Variants in CHRNB1 observed in about 807,000 individuals in gnomAD.
CHRNB1 encodes acetylcholine receptor subunit beta.
CHRNB1 carries 47 observed loss-of-function variants against 53.8 expected under a neutral mutation model. The observed-to-expected ratio is 0.87, with a 90% confidence interval of 0.69 to 1.11. The LOEUF is 1.11. Ranked by LOEUF, CHRNB1 falls within the 50% of genes most tolerant of loss-of-function variation. The pLI, the probability that CHRNB1 is intolerant of heterozygous loss-of-function variation, is 0.00. For missense variants in CHRNB1, 605 were observed against 654.9 expected (o/e 0.92, Z 0.83); for synonymous variants, 259 against 263.5 (o/e 0.98, Z 0.16).
rs1207482508 is a variant in CHRNB1 at position 7,445,299 on chromosome 17, C to T, written c.88C>T (p.Leu30Phe). The change falls in exon 2 of 11, where the codon CTC becomes TTC. Residue 30 changes from leucine (L) to phenylalanine (F), a missense_variant. Transcript: ENST00000306071. This position sits in a 1 kb window ranked among gnomAD's most constrained non-coding sequence, Gnocchi z 5.7. ...CCGCGGCTCGGAGGCGGAGGGTCGA[C>T]TCCGGGAGAAACTTTTCTCTGGCTA... ...GVRGSEAEGR[L>F]REKLFSGYDS... 5.6e-6 allele frequency: 9 copies of T among 1,612,836 alleles called. No homozygotes were observed. Among genetic ancestry groups the T allele is most frequent in the Non-Finnish European group, 7.6e-6 (9 of 1,179,784 alleles).
rs199763821 is a variant in CHRNB1 at position 7,455,862 on chromosome 17, T to A, written c.1286T>A (p.Leu429Gln). Residue 429 changes from leucine to glutamine, a missense_variant, in exon 10 of 11, where the codon CTG becomes CAG. By Grantham distance (113) the Leu-to-Gln change is moderately radical. Coordinates refer to ENST00000306071, the MANE Select transcript of CHRNB1 (RefSeq NM_000747.3). ...FIDGPNRAVA[L>Q]LPELREVVSS... ...GATGGTCCAAACCGGGCTGTGGCCC[T>A]GCTTCCGGAGCTACGGGAGGTCGTC... 6.8e-6 allele frequency: 11 copies of A among 1,614,074 alleles called. No individual in the cohort carries two copies. In the East Asian group the frequency reaches 2.5e-4, roughly 36 times the overall value.
At chr17:7,455,532 G>A (rs371323684) in intron 9 of CHRNB1, 76 bp downstream of exon 9, 1 of 1,568,052 alleles carries the variant, frequency 6.4e-7, no homozygotes, top group South Asian at 1.1e-5. Context: ...GGAAGAAGCG[G>A]CCCATGCTCT....
At chr17:7,449,700 G>A (rs987890829) in intron 7 of CHRNB1, among the ~76,000 whole-genome samples, 13 of 151,836 alleles carry the variant, frequency 8.6e-5, no homozygotes, top group Non-Finnish European at 1.3e-4. Flanking sequence ...ATGAGCCACC[G>A]CGCTCGGCCC....
chr17:7,456,484 G>A lies in CHRNB1; in HGVS notation c.1366-99G>A, dbSNP rs1278844026. On this transcript the variant is annotated intron_variant, in intron 10 of 10. Transcript: ENST00000306071. Reference sequence around the variant, plus strand: ...CGCTGCCGGCTGTTGCCTCAAACCAGTGGTAGGAGGACTCAAGCGGGTAGC... The same window carrying A: ...CGCTGCCGGCTGTTGCCTCAAACCAATGGTAGGAGGACTCAAGCGGGTAGC... The A allele has an allele frequency of 4.6e-6, 7 of 1,505,802 alleles. No homozygotes were observed. In the Admixed American group the frequency reaches 6.7e-5, roughly 14 times the overall value. The allele number at this position is 1,505,802 out of a possible 1,614,324, so 93.3% of individuals were successfully genotyped here. A position where few individuals can be genotyped will look rare whatever the true frequency, so the allele number is the denominator to read the frequency against.
chr17:7,451,251 GTTCTT>G lies in CHRNB1; in HGVS notation c.820+2486_820+2490del, dbSNP rs1555552159. On this transcript the variant is annotated intron_variant, in intron 7 of 10. Transcript: ENST00000306071. Reference sequence around the variant, plus strand: ...GGCATGTGTTGGGTGGATGTTTCAGGTTCTTTTCTTTTCTTTTCTTTTCTTTTTTT... The same window carrying G: ...GGCATGTGTTGGGTGGATGTTTCAGGTTCTTTTCTTTTCTTTTCTTTTTTT... Among the ~76,000 whole-genome samples, 554 of 141,630 alleles carry G rather than the reference GTTCTT, an allele frequency of 3.9e-3. 2 individuals carry two copies. The highest frequency in any genetic ancestry group is 8.7e-3 in the East Asian group (42 of 4,828). The allele number at this position is 141,630 out of a possible 152,430, so 92.9% of individuals were successfully genotyped here. A position where few individuals can be genotyped will look rare whatever the true frequency, so the allele number is the denominator to read the frequency against.
chr17:7,447,915 A>C (rs1326561294), intron 6 of CHRNB1, among the ~76,000 whole-genome samples: 1 of 151,750 alleles, frequency 6.6e-6, no homozygotes, highest in Non-Finnish European at 1.5e-5. Flanking sequence ...CTCTACTAAA[A>C]ATGCAAAAAA....
chr17:7,456,838 A>C lies in CHRNB1; in HGVS notation c.*115A>C. 2 of 1,435,254 alleles carry C rather than the reference A, an allele frequency of 1.4e-6. No homozygotes were observed. The highest frequency in any genetic ancestry group is 1.9e-6 in the Non-Finnish European group (2 of 1,041,310). 88.9% of individuals were successfully genotyped at this position (1,435,254 alleles called of 1,614,324 possible). On this transcript the variant is annotated 3_prime_UTR_variant, in exon 11 of 11. Coordinates refer to ENST00000306071, the MANE Select transcript of CHRNB1 (RefSeq NM_000747.3). ...CCTTCACGAGGAATCTGGGCCTCTT[A>C]TTTCGTTTCTGGGGACTGCATTGGA...
intron 3 of CHRNB1, chr17:7,446,361 GTGTGTGTGTGTGA>G (rs1908628660): frequency 1.8e-6 from 1 of 568,468 alleles, no homozygotes; most frequent in African/African-American, 2.1e-5. Context: ...GTGTGTGTGT[GTGTGTGTGTGTGA>G]TGCGGTCTCA....
intron 7 of CHRNB1, 122 bp downstream of exon 7, chr17:7,448,910 G>A (rs914516132): frequency 1.7e-5 from 18 of 1,047,692 alleles, no homozygotes; most frequent in South Asian, 8.0e-5. Flanking sequence ...CAGCAATCCC[G>A]CCCAGGCTCT....
intron 3 of CHRNB1, 94 bp from the exon 4 acceptor site, chr17:7,446,739 C>G: frequency 1.0e-6 from 1 of 966,696 alleles, no homozygotes; most frequent in Non-Finnish European, 1.6e-6. Flanking sequence ...GTCCTGCTCC[C>G]CTTCCTTGCA....
At chr17:7,453,950 A>G (rs111249390) in intron 7 of CHRNB1, among the ~76,000 whole-genome samples, 5 of 152,008 alleles carry the variant, frequency 3.3e-5, no homozygotes, top group Non-Finnish European at 7.4e-5. Context: ...AGTCCCAGCT[A>G]CTCAGGAGGC....
Position 7,446,303 on chromosome 17 carries a change from T to TTGTGTGTGTG in CHRNB1, c.243+204_243+213dup, listed in dbSNP as rs370471983. The TTGTGTGTGTG allele has an allele frequency of 4.0e-4, 192 of 477,966 alleles. 6 individuals carry two copies. Among genetic ancestry groups the TTGTGTGTGTG allele is most frequent in the African/African-American group, 1.6e-3 (69 of 43,796 alleles). The allele number at this position is 477,966 out of a possible 1,614,324, so 29.6% of individuals were successfully genotyped here. ...ACCCCATGCATTTTTAATTCCAATT[T>TTGTGTGTGTG]TGTGTGTGTGTGTGTGTGTGTGTCT... On this transcript the variant is annotated intron_variant, in intron 3 of 10. Coordinates refer to ENST00000306071, the MANE Select transcript of CHRNB1 (RefSeq NM_000747.3).
chr17:7,448,863 G>A (rs1178956065), intron 7 of CHRNB1, 75 bp downstream of exon 7: 3 of 1,483,264 alleles, frequency 2.0e-6, no homozygotes, highest in African/African-American at 1.4e-5. Context: ...TCCAGGCAGG[G>A]TTTTCCTGCC....
At position 7,446,110 on chromosome 17, in the gene CHRNB1, C is replaced by G. The variant is rs373533921; in HGVS notation, c.240C>G (p.Asp80Glu). ...AGATGAGCACAAAGGTGTACTTAGACCTGGTATGGAGACCCCACGGGGTGG... is the reference window on the plus strand; with the variant it reads ...AGATGAGCACAAAGGTGTACTTAGAGCTGGTATGGAGACCCCACGGGGTGG... Reference protein sequence around the residue: ...DEEMSTKVYLDLEWTDYRLSW... With the variant: ...DEEMSTKVYLELEWTDYRLSW... Residue 80 changes from aspartate (D) to glutamate (E), a missense_variant, in exon 3 of 11, where the codon GAC becomes GAG. Transcript: ENST00000306071. The G allele has an allele frequency of 1.3e-5, 21 of 1,613,748 alleles. No homozygotes were observed. The highest frequency in any genetic ancestry group is 1.5e-5 in the Non-Finnish European group (18 of 1,179,784).
rs2069957841 is a variant in CHRNB1 at position 7,456,838 on chromosome 17, A to G, written c.*115A>G. ...CCTTCACGAGGAATCTGGGCCTCTT[A>G]TTTCGTTTCTGGGGACTGCATTGGA... is the stretch of plus-strand genomic sequence containing the variant. On this transcript the variant is annotated 3_prime_UTR_variant, in exon 11 of 11. Coordinates refer to ENST00000306071, the MANE Select transcript of CHRNB1 (RefSeq NM_000747.3). The G allele has an allele frequency of 1.4e-6, 2 of 1,435,254 alleles. No individual in the cohort carries two copies. Among genetic ancestry groups the G allele is most frequent in the Admixed American group, 3.8e-5 (2 of 53,084 alleles). The allele number at this position is 1,435,254 out of a possible 1,614,324, so 88.9% of individuals were successfully genotyped here.
chr17:7,448,713 C>G lies in CHRNB1; in HGVS notation c.745C>G (p.Leu249Val). Residue 249 changes from leucine to valine, a missense_variant, in exon 7 of 11, where the codon CTG (leucine) becomes GTG (valine). Coordinates refer to ENST00000306071, the MANE Select transcript of CHRNB1 (RefSeq NM_000747.3). ...CATCCGCCGCAAGCCTCTCTTCTAC[C>G]TGGTCAACGTCATTGCCCCATGCAT... is the stretch of plus-strand genomic sequence containing the variant. Reference protein sequence around the residue: ...LIIRRKPLFYLVNVIAPCILI... With the variant: ...LIIRRKPLFYVVNVIAPCILI... 1.2e-6 allele frequency: 2 copies of G among 1,614,252 alleles called. No homozygotes were observed. The highest frequency in any genetic ancestry group is 1.7e-6 in the Non-Finnish European group (2 of 1,180,050).
chr17:7,455,194 GA>G, intron 8 of CHRNB1, 89 bp from the exon 9 acceptor site: 1 of 1,429,328 alleles, frequency 7.0e-7, no homozygotes, highest in Non-Finnish European at 9.9e-7. Flanking sequence ...TCACGCGCGG[GA>G]ATGGGCATGT....
Position 7,454,462 on chromosome 17 carries a change from T to C in CHRNB1, c.986T>C (p.Val329Ala). The C allele has an allele frequency of 6.2e-7, 1 of 1,614,102 alleles. No individual in the cohort carries two copies. The highest frequency in any genetic ancestry group is 8.5e-7 in the Non-Finnish European group (1 of 1,180,016). The change falls in exon 8 of 11, where the codon GTT (valine) becomes GCT (alanine). Residue 329 changes from valine to alanine, a missense_variant. Transcript: ENST00000306071. ...VTFSVILSVV[V>A]LNLHHRSPHT... ...TTCTCAGTCATCCTTAGTGTCGTGGTTCTCAACCTGCACCACCGCTCACCC... is the reference window on the plus strand; with the variant it reads ...TTCTCAGTCATCCTTAGTGTCGTGGCTCTCAACCTGCACCACCGCTCACCC...
At chr17:7,449,585 T>C (rs1432959024) in intron 7 of CHRNB1, among the ~76,000 whole-genome samples, 1 of 151,786 alleles carries the variant, frequency 6.6e-6, no homozygotes, top group African/African-American at 2.4e-5. Flanking sequence ...TTTTTTTGTA[T>C]TTTTGGTAGA....
Sources: allele counts gnomAD v4.1 joint callset (sites outside exome capture counted in the v4.1 genomes callset), GRCh38; gene constraint gnomAD v4.1.1; non-coding constraint Gnocchi (gnomAD v3.1); transcripts MANE v1.5; gene names NCBI Gene and HGNC (gene_info 2026-07-23, HGNC 2026-07-21).